PARD3B: variants seen among roughly 807,000 people sequenced by gnomAD.
The protein encoded by PARD3B is partitioning defective 3 homolog B.
PARD3B carries 103 observed loss-of-function variants against 130.2 expected under a neutral mutation model. The observed-to-expected ratio is 0.79, with a 90% CI of 0.67 to 0.93. The LOEUF is 0.93. Ranked by LOEUF, PARD3B falls within the 40% of genes least tolerant of loss-of-function variation. The pLI is 0.00. For missense variants in PARD3B, 1,609 were observed against 1,499.2 expected, an observed-to-expected ratio of 1.07 and a Z score of -1.21; for synonymous variants, 583 against 553.2, an observed-to-expected ratio of 1.05 and a Z score of -0.76.
At chr2:205,306,275 T>C (rs1392876799) in intron 18 of PARD3B, among the ~76,000 whole-genome samples, 1 of 152,230 alleles carries the variant, frequency 6.6e-6, no homozygotes, top group Non-Finnish European at 1.5e-5. Flanking sequence ...TTTGAACCAC[T>C]GTTTGTTGTA....
intron 15 of PARD3B, among the ~76,000 whole-genome samples, chr2:205,223,650 A>G: frequency 6.6e-6 from 1 of 152,120 alleles, no homozygotes; most frequent in East Asian, 1.9e-4. Context: ...AACCAACCAA[A>G]TAAAACTTGC....
chr2:205,423,632 C>T (rs1346616814), intron 19 of PARD3B, among the ~76,000 whole-genome samples: 1 of 152,094 alleles, frequency 6.6e-6, no homozygotes, highest in East Asian at 1.9e-4. Context: ...TTCATTGCAA[C>T]CCTATTCACA....
At chr2:205,072,759 C>T in intron 4 of PARD3B, among the ~76,000 whole-genome samples, 1 of 152,132 alleles carries the variant, frequency 6.6e-6, no homozygotes, top group Non-Finnish European at 1.5e-5. Flanking sequence ...ATAATTTGCA[C>T]TACTTGCTAT....
At chr2:204,681,540 T>G (rs1355995542) in intron 1 of PARD3B, among the ~76,000 whole-genome samples, 1 of 152,202 alleles carries the variant, frequency 6.6e-6, no homozygotes, top group Admixed American at 6.5e-5. Context: ...TGAAGCCAGT[T>G]AGGGCTGGTT....
intron 3 of PARD3B, among the ~76,000 whole-genome samples, chr2:205,035,828 T>TATATATATATATATATATAGTGGG (rs1559374303): frequency 3.8e-4 from 3 of 7,976 alleles, no homozygotes; most frequent in African/African-American, 1.2e-3. Context: ...TATCTATATA[T>TATATATATATATATATATAGTGGG]CTATATATAT....
Position 205,177,254 on chromosome 2 carries a change from C to T in PARD3B, c.1924+677C>T, listed in dbSNP as rs529865925. Among the ~76,000 whole-genome samples, 17 of 152,020 alleles carry T rather than the reference C, an allele frequency of 1.1e-4. 1 individual carries two copies. The South Asian group carries it at 3.5e-3, about 32-fold the overall frequency. On this transcript the variant is annotated intron_variant, in intron 13 of 22. Transcript: ENST00000406610. ...TGAATTTTTTATTACAAAAACAATA[C>T]ATATTCATTGCAGAAAATTTAGAGA...
At chr2:205,484,045 T>C (rs2049344684) in intron 20 of PARD3B, among the ~76,000 whole-genome samples, 3 of 152,144 alleles carry the variant, frequency 2.0e-5, no homozygotes, top group African/African-American at 7.2e-5. Context: ...CTACACTTAA[T>C]GCTACAAATG....
intron 22 of PARD3B, among the ~76,000 whole-genome samples, chr2:205,555,814 G>C (rs957003994): frequency 5.3e-5 from 8 of 152,194 alleles, no homozygotes; most frequent in African/African-American, 1.9e-4. Flanking sequence ...GGGACCCCTG[G>C]CAGTGGCTTT....
chr2:204,724,725 A>C (rs779277713), intron 2 of PARD3B, among the ~76,000 whole-genome samples: 13 of 151,846 alleles, frequency 8.6e-5, no homozygotes, highest in Non-Finnish European at 1.8e-4. Context: ...AGTAGAAAAT[A>C]CTGTCCTTGC....
chr2:204,965,061 T>C, intron 2 of PARD3B, 91 bp from the exon 3 acceptor site: 4 of 1,295,990 alleles, frequency 3.1e-6, no homozygotes, highest in Non-Finnish European at 4.2e-6. Flanking sequence ...CGATTTTCTT[T>C]GCAACCAAAT....
intron 1 of PARD3B, among the ~76,000 whole-genome samples, chr2:204,614,368 C>T (rs1345401925): frequency 6.6e-6 from 1 of 152,030 alleles, no homozygotes; most frequent in East Asian, 1.9e-4. Flanking sequence ...GAGTATATCT[C>T]AATTCAGACT....
intron 11 of PARD3B, among the ~76,000 whole-genome samples, chr2:205,170,024 C>T (rs537779872): frequency 4.0e-5 from 6 of 151,000 alleles, no homozygotes; most frequent in East Asian, 2.0e-4. Context: ...TCCGCCTCCT[C>T]GGTTCAAGCG....
chr2:205,222,799 G>T (rs1000887775), intron 15 of PARD3B, among the ~76,000 whole-genome samples: 1 of 151,986 alleles, frequency 6.6e-6, no homozygotes, highest in Non-Finnish European at 1.5e-5. Flanking sequence ...TTCCAGAAAT[G>T]AGCAGAGAAT....
intron 2 of PARD3B, among the ~76,000 whole-genome samples, chr2:204,830,613 A>G (rs2043781839): frequency 6.6e-6 from 1 of 152,216 alleles, no homozygotes; most frequent in Non-Finnish European, 1.5e-5. Context: ...AAAGATTCAG[A>G]CTAAGAAATG....
intron 2 of PARD3B, among the ~76,000 whole-genome samples, chr2:204,858,181 C>T (rs540176041): frequency 3.9e-5 from 6 of 151,998 alleles, no homozygotes; most frequent in African/African-American, 7.2e-5. Context: ...TTATCAAATA[C>T]GTTAATACTA....
In PARD3B at chr2:205,501,849, T is replaced by G. The variant is rs534173965; in HGVS notation, c.3180+1818T>G. Among the ~76,000 whole-genome samples the G allele has an allele frequency of 1.9e-3, 283 of 152,276 alleles. 1 individual carries two copies. Among genetic ancestry groups the G allele is most frequent in the African/African-American group, 6.1e-3 (253 of 41,546 alleles). On this transcript the variant is annotated intron_variant, in intron 21 of 22. Coordinates refer to ENST00000406610, the MANE Select transcript of PARD3B (RefSeq NM_001302769.2). ...CTTGGGTGCTCCCTTTTTTAATGAT[T>G]CTATTTTTATGCCAAGTAAACGTGT... is the stretch of plus-strand genomic sequence containing the variant.
At chr2:204,725,900 A>G (rs1030132863) in intron 2 of PARD3B, among the ~76,000 whole-genome samples, 9 of 152,238 alleles carry the variant, frequency 5.9e-5, no homozygotes, top group African/African-American at 2.2e-4. Flanking sequence ...GGGAAGTGAC[A>G]GTAGCTGACA....
intron 21 of PARD3B, among the ~76,000 whole-genome samples, chr2:205,522,051 ATC>A (rs1251690111): frequency 3.3e-5 from 5 of 151,788 alleles, no homozygotes; most frequent in African/African-American, 1.2e-4. Flanking sequence ...GTAAAATTAT[ATC>A]TCTTTGAGAT....
In PARD3B at chr2:205,365,580, AG is replaced by A. The variant is rs917628792; in HGVS notation, c.2631-35430del. Among the ~76,000 whole-genome samples, 6 of 135,092 alleles carry A rather than the reference AG, an allele frequency of 4.4e-5. No homozygotes were observed. The South Asian group carries it at 8.9e-4, about 20-fold the overall frequency. The allele number at this position is 135,092 out of a possible 152,430, so 88.6% of individuals were successfully genotyped here. Reference sequence around the variant, plus strand: ...TTTTTTTTTTTCTAATCTACAGGAAAGGGAAAACACCACTGAGATTATTTAC... The same window carrying A: ...TTTTTTTTTTTCTAATCTACAGGAAAGGAAAACACCACTGAGATTATTTAC... On this transcript the variant is annotated intron_variant, in intron 18 of 22. Transcript: ENST00000406610.
Sources: allele counts gnomAD v4.1 joint callset (sites outside exome capture counted in the v4.1 genomes callset), GRCh38; gene constraint gnomAD v4.1.1; transcripts MANE v1.5; gene names NCBI Gene and HGNC (gene_info 2026-07-23, HGNC 2026-07-21).